The following HIRA variants were observed in gnomAD, a reference collection of about 807,000 sequenced individuals.
HIRA encodes the protein protein HIRA.
In HIRA, 13 loss-of-function variants were observed where a neutral mutation model predicts 126.6. The ratio of observed to expected loss-of-function variants is 0.10; its 90% CI spans 0.07 to 0.16. The LOEUF is 0.16. HIRA is among the 10% of genes least tolerant of loss of function. HIRA has a pLI of 1.00. For missense variants in HIRA, 834 were observed against 1,314.4 expected, an observed-to-expected ratio of 0.63 and a Z score of 5.65; for synonymous variants, 511 against 520.0, an observed-to-expected ratio of 0.98 and a Z score of 0.24.
At chr22:19,376,367 G>A (rs1379660043) in intron 14 of HIRA, among the ~76,000 whole-genome samples, 3 of 152,236 alleles carry the variant, frequency 2.0e-5, no homozygotes, top group Non-Finnish European at 2.9e-5. Context: ...CCAGGCAGAA[G>A]CCTGCCTGGT....
chr22:19,359,308 G>T, intron 18 of HIRA, 28 bp downstream of exon 18: 2 of 1,521,216 alleles, frequency 1.3e-6, no homozygotes, highest in Non-Finnish European at 1.8e-6. Context: ...GTGTCACCTG[G>T]GCCGGCTAAG....
At chr22:19,334,513 G>A (rs1034252512) in intron 24 of HIRA, among the ~76,000 whole-genome samples, 12 of 150,678 alleles carry the variant, frequency 8.0e-5, no homozygotes, top group African/African-American at 2.7e-4. Flanking sequence ...TAGGCCAGGC[G>A]CGGTGGCTCA....
rs532861272 is a variant in HIRA at position 19,394,295 on chromosome 22, T to C, written c.822+47A>G. ...TTCAAAATAAACCAAGAATTAATATTTGCTGAATCTTGGAGCCCATCTCCC... is the reference window on the plus strand; with the variant it reads ...TTCAAAATAAACCAAGAATTAATATCTGCTGAATCTTGGAGCCCATCTCCC... On this transcript the variant is annotated intron_variant, in intron 8 of 24. Coordinates refer to ENST00000263208, the MANE Select transcript of HIRA (RefSeq NM_003325.4). 1.5e-5 allele frequency: 23 copies of C among 1,583,808 alleles called. No individual in the cohort carries two copies. The East Asian group carries it at 4.5e-4, about 31-fold the overall frequency.
chr22:19,415,252 A>G (rs1569312312), intron 1 of HIRA, among the ~76,000 whole-genome samples: 1 of 152,238 alleles, frequency 6.6e-6, no homozygotes, highest in Non-Finnish European at 1.5e-5. Context: ...TACAAAATCA[A>G]CAAACAAAAG....
At chr22:19,392,636 G>A (rs1465306251) in intron 8 of HIRA, among the ~76,000 whole-genome samples, 1 of 152,218 alleles carries the variant, frequency 6.6e-6, no homozygotes, top group Non-Finnish European at 1.5e-5. Context: ...TCTCCTAAGG[G>A]AGGCCAAGGG....
Position 19,331,304 on chromosome 22 carries a change from C to A in HIRA, c.*136G>T. 1 of 1,584,362 alleles carries A rather than the reference C, an allele frequency of 6.3e-7. No individual in the cohort carries two copies. The highest frequency in any genetic ancestry group is 1.1e-5 in the South Asian group (1 of 89,176). ...ACATCTGCCCAGGGAGCTGGGCTGG[C>A]GCTGGTGCAGGACAGCACATCTCCT... On this transcript the variant is annotated 3_prime_UTR_variant, in exon 25 of 25. Coordinates refer to ENST00000263208, the MANE Select transcript of HIRA (RefSeq NM_003325.4).
intron 1 of HIRA, among the ~76,000 whole-genome samples, chr22:19,412,353 T>C (rs773985096): frequency 3.3e-5 from 5 of 152,204 alleles, no homozygotes; most frequent in Non-Finnish European, 5.9e-5. Flanking sequence ...AGAGCCAAGA[T>C]GAGCTGAACC....
chr22:19,341,026 G>A (rs2045964499), intron 24 of HIRA, among the ~76,000 whole-genome samples: 1 of 152,082 alleles, frequency 6.6e-6, no homozygotes, highest in African/African-American at 2.4e-5. Flanking sequence ...AAATTCACAA[G>A]AAACCACAGC....
intron 24 of HIRA, among the ~76,000 whole-genome samples, chr22:19,340,663 G>A (rs1556007304): frequency 6.6e-6 from 1 of 152,100 alleles, no homozygotes; most frequent in Non-Finnish European, 1.5e-5. Context: ...AATGAATTCC[G>A]TAAACTTTCA....
At position 19,355,840 on chromosome 22, in the gene HIRA, G is replaced by T; in HGVS notation, c.2481C>A (p.Ile827=). 1 of 1,613,504 alleles carries T rather than the reference G, an allele frequency of 6.2e-7. No homozygotes were observed. Among genetic ancestry groups the T allele is most frequent in the Non-Finnish European group, 8.5e-7 (1 of 1,179,428 alleles). ...CTGGGATTCCATGCTGCGTCAGCAA[G>T]ATCTGTGATACCGTCATATCACTTC... is the stretch of plus-strand genomic sequence containing the variant. ...LAGSDMTVSQ[I]LLTQHGIPVM... The change falls in exon 21 of 25, where the codon ATC becomes ATA. Residue 827 remains isoleucine (I), a synonymous_variant. Transcript: ENST00000263208.
chr22:19,407,672 T>C (rs2089319289), intron 3 of HIRA, among the ~76,000 whole-genome samples: 1 of 152,216 alleles, frequency 6.6e-6, no homozygotes, highest in African/African-American at 2.4e-5. Context: ...GTCAGATGCT[T>C]TTTCTAGATT....
At position 19,331,167 on chromosome 22, in the gene HIRA, T is replaced by G; in HGVS notation, c.*273A>C. 7.3e-7 allele frequency: 1 copy of G among 1,379,204 alleles called. No homozygotes were observed. Among genetic ancestry groups the G allele is most frequent in the Non-Finnish European group, 9.6e-7 (1 of 1,046,258 alleles). The allele number at this position is 1,379,204 out of a possible 1,614,324, so 85.4% of individuals were successfully genotyped here. On this transcript the variant is annotated 3_prime_UTR_variant, in exon 25 of 25. Coordinates refer to ENST00000263208, the MANE Select transcript of HIRA (RefSeq NM_003325.4). ...GGAGACGGCAGGCCTGGGACTGCCT[T>G]GCTGGCCCCAGGGCACCTGGGCAGA...
At chr22:19,403,127 A>G (rs1601847699) in intron 5 of HIRA, among the ~76,000 whole-genome samples, 2 of 151,942 alleles carry the variant, frequency 1.3e-5, no homozygotes, top group South Asian at 2.1e-4. Flanking sequence ...AAGAAAAAGA[A>G]AAAGAAATAT....
intron 1 of HIRA, among the ~76,000 whole-genome samples, chr22:19,430,951 G>A (rs908416085): frequency 1.3e-5 from 2 of 152,184 alleles, no homozygotes; most frequent in Non-Finnish European, 2.9e-5. Flanking sequence ...CTCCTATTTA[G>A]GGACCACAAT....
chr22:19,382,771 CTTTTTTT>C (rs796469831), intron 13 of HIRA, among the ~76,000 whole-genome samples: 11 of 102,136 alleles, frequency 1.1e-4, no homozygotes, highest in East Asian at 8.3e-4. Context: ...ATTTTTCTTT[CTTTTTTT>C]TTTTTTTTTT....
intron 1 of HIRA, among the ~76,000 whole-genome samples, chr22:19,422,017 C>T: frequency 6.6e-6 from 1 of 152,064 alleles, no homozygotes; most frequent in East Asian, 1.9e-4. Flanking sequence ...ACCTTCCCAA[C>T]ATACCCATAA....
chr22:19,408,879 C>T (rs150884267), intron 2 of HIRA, among the ~76,000 whole-genome samples: 17 of 152,336 alleles, frequency 1.1e-4, no homozygotes, highest in Admixed American at 5.9e-4. Context: ...GATCTGGCCT[C>T]TAACACGGAT....
chr22:19,402,116 C>G (rs1021476251), intron 5 of HIRA, among the ~76,000 whole-genome samples: 12 of 152,214 alleles, frequency 7.9e-5, no homozygotes, highest in African/African-American at 2.4e-4. Context: ...TCTTCCAACT[C>G]CTTACAGGAC....
intron 17 of HIRA, among the ~76,000 whole-genome samples, chr22:19,360,388 C>A (rs552523668): frequency 6.6e-6 from 1 of 152,294 alleles, no homozygotes; most frequent in South Asian, 2.1e-4. Flanking sequence ...CACTGGAGGG[C>A]CCCTGCCTCC....
Sources: gnomAD v4.1 joint callset for allele counts (sites outside exome capture counted in the v4.1 genomes callset) on GRCh38, gnomAD v4.1.1 for gene constraint, MANE v1.5 for transcripts, NCBI Gene and HGNC (gene_info 2026-07-23, HGNC 2026-07-21) for gene names.